Variants in UNC93A observed in about 807,000 individuals in gnomAD.
UNC93A encodes unc-93 homolog A.
UNC93A carries 43 observed loss-of-function variants against 47.5 expected under a neutral mutation model. The observed-to-expected ratio is 0.91, with a 90% confidence interval of 0.71 to 1.17. The LOEUF (loss-of-function observed/expected upper bound fraction) is 1.17. Among genes scored for constraint, UNC93A ranks in the 50% most tolerant of loss-of-function variants. The pLI is 0.00. For synonymous variants in UNC93A, 280 were observed against 258.0 expected, an observed-to-expected ratio of 1.09 and a Z score of -0.82; for missense variants, 605 against 577.6, an observed-to-expected ratio of 1.05 and a Z score of -0.49.
At chr6:167,300,202 G>A (rs1778203681) in intron 4 of UNC93A, among the ~76,000 whole-genome samples, 1 of 152,236 alleles carries the variant, frequency 6.6e-6, no homozygotes, top group Middle Eastern at 3.2e-3. Context: ...GCCAATGCAA[G>A]TGTGGACGTG....
chr6:167,308,016 TGAGTTGGGAGA>T, intron 7 of UNC93A, 106 bp downstream of exon 7: 1 of 1,491,510 alleles, frequency 6.7e-7, no homozygotes. Context: ...CCAAGAGAGA[TGAGTTGGGAGA>T]GACGGGAGGG....
At chr6:167,273,420 T>A (rs1350412775) in intron 1 of UNC93A, among the ~76,000 whole-genome samples, 7 of 152,234 alleles carry the variant, frequency 4.6e-5, no homozygotes, top group Non-Finnish European at 1.0e-4. Context: ...GCTGTGACTC[T>A]GACCCTGTAC....
chr6:167,285,696 G>T (rs1458247375), intron 1 of UNC93A, among the ~76,000 whole-genome samples: 1 of 151,572 alleles, frequency 6.6e-6, no homozygotes, highest in African/African-American at 2.4e-5. Flanking sequence ...GCGGCCCTGG[G>T]CAGCAGCTCA....
intron 1 of UNC93A, among the ~76,000 whole-genome samples, chr6:167,284,609 G>C (rs995953474): frequency 9.2e-5 from 14 of 152,270 alleles, no homozygotes; most frequent in African/African-American, 3.4e-4. Context: ...CATGGCTTTC[G>C]GGCCACTGGA....
At chr6:167,291,623 G>A in intron 1 of UNC93A, 47 bp downstream of exon 1, 1 of 1,540,092 alleles carries the variant, frequency 6.5e-7, no homozygotes, top group South Asian at 1.2e-5. Flanking sequence ...TGGCCTCCAA[G>A]AATCCCTGTG....
chr6:167,310,883 A>C (rs890640782), intron 7 of UNC93A, among the ~76,000 whole-genome samples: 1 of 152,036 alleles, frequency 6.6e-6, no homozygotes, highest in African/African-American at 2.4e-5. Flanking sequence ...TCTGTCTCAC[A>C]AAAAAAATGT....
chr6:167,275,472 T>C (rs982794507), intron 1 of UNC93A, among the ~76,000 whole-genome samples: 1 of 152,238 alleles, frequency 6.6e-6, no homozygotes, highest in Non-Finnish European at 1.5e-5. Flanking sequence ...GCTTTCATGA[T>C]ACCTGGTGGT....
intron 7 of UNC93A, among the ~76,000 whole-genome samples, chr6:167,311,706 G>C (rs190589339): frequency 6.6e-6 from 1 of 152,380 alleles, no homozygotes; most frequent in Admixed American, 6.5e-5. Flanking sequence ...AGGCAGACAG[G>C]CCAGGCTGAG....
At chr6:167,280,741 A>G (rs926746570) in intron 1 of UNC93A, among the ~76,000 whole-genome samples, 5 of 152,136 alleles carry the variant, frequency 3.3e-5, no homozygotes. Flanking sequence ...CCAATGCATA[A>G]CCTGCTGACA....
upstream of UNC93A, among the ~76,000 whole-genome samples, chr6:167,287,494 T>G (rs981356846): frequency 2.0e-5 from 3 of 152,196 alleles, no homozygotes; most frequent in Non-Finnish European, 4.4e-5. Context: ...CCACTAGAAC[T>G]AGGCTTCTGT....
intron 1 of UNC93A, among the ~76,000 whole-genome samples, chr6:167,293,390 G>A (rs537699793): frequency 6.6e-6 from 1 of 152,248 alleles, no homozygotes; most frequent in South Asian, 2.1e-4. Flanking sequence ...CTCCACCCTG[G>A]TTCGAGGCCC....
rs375435906 is a variant in UNC93A at position 167,294,676 on chromosome 6, G to A, written c.247G>A (p.Val83Met). ...LSMCGYVAFS[V>M]GNFFASWYTL... ...CATGTGTGGCTACGTGGCCTTCTCC[G>A]TGGGCAACTTCTTCGCCAGCTGGTA... The change falls in exon 2 of 8, where the codon GTG becomes ATG. Residue 83 changes from valine (V) to methionine (M), a missense_variant. Coordinates refer to ENST00000230256, the MANE Select transcript of UNC93A (RefSeq NM_018974.4). 27 of 1,600,054 alleles carry A rather than the reference G, an allele frequency of 1.7e-5. No homozygotes were observed. In the Middle Eastern group the frequency reaches 5.0e-4, roughly 29 times the overall value.
intron 1 of UNC93A, among the ~76,000 whole-genome samples, chr6:167,292,818 T>C (rs1442954652): frequency 6.6e-6 from 1 of 152,182 alleles, no homozygotes; most frequent in Non-Finnish European, 1.5e-5. Context: ...GACTGGTCAG[T>C]AGCCCTTTCT....
In UNC93A at chr6:167,295,573, ATCCTCGCCTGCCTCGTGC is replaced by A. The variant is rs1562350283; in HGVS notation, c.270-449_270-432del. Among the ~76,000 whole-genome samples the A allele has an allele frequency of 2.1e-3, 35 of 16,374 alleles. 1 individual carries two copies. The highest frequency in any genetic ancestry group is 9.0e-3 in the African/African-American group (21 of 2,338). 10.7% of individuals were successfully genotyped at this position (16,374 alleles called of 152,430 possible). ...CCTCGTGCTCCTCGCCTCCCTCGTG[ATCCTCGCCTGCCTCGTGC>A]TCCTCGCCTCCCTCGTGCTCCTCGC... On this transcript the variant is annotated intron_variant, in intron 2 of 7. Transcript: ENST00000230256.
In UNC93A at chr6:167,305,982, A is replaced by G; in HGVS notation, c.908A>G (p.Asp303Gly). 2 of 1,614,122 alleles carry G rather than the reference A, an allele frequency of 1.2e-6. No individual in the cohort carries two copies. The highest frequency in any genetic ancestry group is 1.7e-6 in the Non-Finnish European group (2 of 1,180,020). ...GTGATGATCTGCTTCTCGGCCACTG[A>G]CGCGCTGTGCTCCGTGTTGTATGGA... Reference protein sequence around the residue: ...GYVMICFSATDALCSVLYGKV... With the variant: ...GYVMICFSATGALCSVLYGKV... The change falls in exon 6 of 8, where the codon GAC (aspartate) becomes GGC (glycine). Residue 303 changes from aspartate to glycine, a missense_variant. Coordinates refer to ENST00000230256, the MANE Select transcript of UNC93A (RefSeq NM_018974.4).
intron 7 of UNC93A, among the ~76,000 whole-genome samples, chr6:167,309,592 TG>T (rs1562360611): frequency 6.6e-6 from 1 of 151,852 alleles, no homozygotes; most frequent in Non-Finnish European, 1.5e-5. Flanking sequence ...GCTTAGAAAA[TG>T]GAAAAAGCAA....
chr6:167,309,784 C>T (rs1458720039), intron 7 of UNC93A, among the ~76,000 whole-genome samples: 1 of 152,134 alleles, frequency 6.6e-6, no homozygotes, highest in African/African-American at 2.4e-5. Flanking sequence ...TTTGAACAAA[C>T]CCACACTGTT....
intron 7 of UNC93A, among the ~76,000 whole-genome samples, chr6:167,309,497 C>T (rs1426566062): frequency 6.6e-6 from 1 of 152,160 alleles, no homozygotes; most frequent in Non-Finnish European, 1.5e-5. Flanking sequence ...GAAGTGTCCT[C>T]TCGGAGGTGA....
intron 6 of UNC93A, among the ~76,000 whole-genome samples, chr6:167,307,122 C>T (rs891038301): frequency 4.6e-5 from 7 of 152,164 alleles, no homozygotes; most frequent in Non-Finnish European, 1.0e-4. Flanking sequence ...CAATTTATAC[C>T]TAATGAGAAG....
Sources: gnomAD v4.1 joint callset for allele counts (sites outside exome capture counted in the v4.1 genomes callset) on GRCh38, gnomAD v4.1.1 for gene constraint, MANE v1.5 for transcripts, NCBI Gene and HGNC (gene_info 2026-07-23, HGNC 2026-07-21) for gene names.